Variants in ZNF611 observed in about 807,000 individuals in gnomAD.
ZNF611 encodes the protein zinc finger protein 611.
ZNF611 carries 6 observed loss-of-function variants against 8.9 expected under a neutral mutation model. The ratio of observed to expected loss-of-function variants is 0.68; its 90% CI spans 0.37 to 1.34. The LOEUF (loss-of-function observed/expected upper bound fraction) is 1.34. ZNF611 is among the 40% of genes most tolerant of loss of function. ZNF611 has a pLI of 0.02. For missense variants in ZNF611, 874 were observed against 841.3 expected, an observed-to-expected ratio of 1.04 and a Z score of -0.48; for synonymous variants, 262 against 279.7, an observed-to-expected ratio of 0.94 and a Z score of 0.63.
chr19:52,729,523 A>T lies in ZNF611; in HGVS notation c.-122+383T>A, dbSNP rs151031465. Among the ~76,000 whole-genome samples the T allele has an allele frequency of 1.9e-3, 289 of 149,032 alleles. 3 individuals are homozygous for T. The highest frequency in any genetic ancestry group is 4.4e-3 in the Admixed American group (66 of 14,948). On this transcript the variant is annotated intron_variant, in intron 2 of 5. Transcript: ENST00000652185. ...AAAAAAAAAAAAAAAAAAAAAGAAAAGAAAGAAAAAGAAAACAATGTTAAT... is the reference window on the plus strand; with the variant it reads ...AAAAAAAAAAAAAAAAAAAAAGAAATGAAAGAAAAAGAAAACAATGTTAAT...
chr19:52,714,405 G>C (rs1373843755), intron 4 of ZNF611, among the ~76,000 whole-genome samples: 2 of 151,974 alleles, frequency 1.3e-5, no homozygotes, highest in Non-Finnish European at 2.9e-5. Context: ...AGGAAAAACA[G>C]GGCCAGGCAT....
Position 52,706,465 on chromosome 19 carries a change from G to C in ZNF611, c.590C>G (p.Ser197Cys). 6.2e-7 allele frequency: 1 copy of C among 1,614,160 alleles called. No individual in the cohort carries two copies. Among genetic ancestry groups the C allele is most frequent in the Non-Finnish European group, 8.5e-7 (1 of 1,180,040 alleles). Residue 197 changes from serine (S) to cysteine (C), a missense_variant, in exon 6 of 6, where the codon TCC becomes TGC. Transcript: ENST00000652185. ...AGAAATCTGGGTTTGGGGCCTACAG[G>C]AAATTCTTTGGAATGTTGAAACTGA... ...APSVSTFQRISCRPQTQISNN... is the reference protein window; with the variant it reads ...APSVSTFQRICCRPQTQISNN...
At chr19:52,708,206 C>T (rs770565737) in intron 5 of ZNF611, 2 of 152,068 alleles carry the variant, frequency 1.3e-5, no homozygotes, top group African/African-American at 2.4e-5. Context: ...AGAAAATACA[C>T]AGCATTAGGC....
chr19:52,717,640 A>C, intron 3 of ZNF611: 1 of 971,726 alleles, frequency 1.0e-6, no homozygotes, highest in Non-Finnish European at 1.2e-6. Context: ...TCATGAACAC[A>C]TGGGCTCTGC....
At chr19:52,725,590 G>A (rs2147443434) in intron 3 of ZNF611, among the ~76,000 whole-genome samples, 1 of 152,208 alleles carries the variant, frequency 6.6e-6, no homozygotes, top group East Asian at 1.9e-4. Context: ...GACTCTTATG[G>A]GCGTCTCAAT....
chr19:52,706,140 A>G lies in ZNF611; in HGVS notation c.915T>C (p.His305=), dbSNP rs1287361522. The change falls in exon 6 of 6, where the codon CAT becomes CAC. Residue 305 remains histidine, a synonymous_variant. Coordinates refer to ENST00000652185, the MANE Select transcript of ZNF611 (RefSeq NM_001161499.2). ...TFSQESSLTC[H]RRLHTGVKRY... ...GTTTTACTCCAGTATGAAGTCTACGATGGCAGGTAAGGGATGACTCCTGAC... is the reference window on the plus strand; with the variant it reads ...GTTTTACTCCAGTATGAAGTCTACGGTGGCAGGTAAGGGATGACTCCTGAC... 1 of 1,614,080 alleles carries G rather than the reference A, an allele frequency of 6.2e-7. No individual in the cohort carries two copies. The highest frequency in any genetic ancestry group is 2.2e-5 in the East Asian group (1 of 44,874).
intron 2 of ZNF611, among the ~76,000 whole-genome samples, chr19:52,729,141 A>T (rs1380787520): frequency 1.3e-5 from 2 of 152,204 alleles, no homozygotes; most frequent in African/African-American, 2.4e-5. Flanking sequence ...TGCAAAAAAC[A>T]TATCACTGTC....
rs368538537 is a variant in ZNF611, at chr19:52,706,136, T to A, written c.919A>T (p.Arg307Ter). 1.1e-5 allele frequency: 17 copies of A among 1,614,010 alleles called. No individual in the cohort carries two copies. In the African/African-American group the frequency reaches 2.1e-4, roughly 20 times the overall value. Residue 307 changes from arginine (R) to a stop codon, truncating the protein, a stop_gained, in exon 6 of 6, where the codon AGA becomes TGA. Coordinates refer to ENST00000652185, the MANE Select transcript of ZNF611 (RefSeq NM_001161499.2). LOFTEE classifies it low-confidence loss of function (END_TRUNC). ...SQESSLTCHR[R>*]LHTGVKRYNC... ...TAACGTTTTACTCCAGTATGAAGTC[T>A]ACGATGGCAGGTAAGGGATGACTCC...
intron 3 of ZNF611, chr19:52,720,876 TTCC>T (rs2062354071): frequency 1.2e-5 from 1 of 83,326 alleles, no homozygotes; most frequent in Non-Finnish European, 2.3e-5. Context: ...GGCAGAGGCG[TTCC>T]TCACCTCCCA....
At chr19:52,730,391 CAAAAAAAAAAAAA>C (rs1159350274) in intron 1 of ZNF611, among the ~76,000 whole-genome samples, 9 of 73,532 alleles carry the variant, frequency 1.2e-4, no homozygotes, top group East Asian at 5.7e-4. Flanking sequence ...GACTCCGTCT[CAAAAAAAAAAAAA>C]AAAAAAAAAA....
Position 52,730,430 on chromosome 19 carries a change from T to C in ZNF611, c.-221-425A>G, listed in dbSNP as rs944670241. ...AAAAAAAAAAAAAAAAAAAACATGA[T>C]GTAGGCTCCTTGGTCTGAAAGATTA... is the stretch of plus-strand genomic sequence containing the variant. On this transcript the variant is annotated intron_variant, in intron 1 of 5. Coordinates refer to ENST00000652185, the MANE Select transcript of ZNF611 (RefSeq NM_001161499.2). Among the ~76,000 whole-genome samples the C allele has an allele frequency of 4.2e-5, 6 of 142,160 alleles. 1 individual carries two copies. The highest frequency in any genetic ancestry group is 3.6e-4 in the Admixed American group (5 of 13,896). 93.3% of individuals were successfully genotyped at this position (142,160 alleles called of 152,430 possible).
At chr19:52,727,254 CGAT>C (rs1489827774) in intron 3 of ZNF611, among the ~76,000 whole-genome samples, 3 of 151,562 alleles carry the variant, frequency 2.0e-5, no homozygotes, top group African/African-American at 7.3e-5. Context: ...ATCATCTCCA[CGAT>C]GATAATAGAG....
At chr19:52,734,364 C>T (rs1386772709) in intron 1 of ZNF611, among the ~76,000 whole-genome samples, 2 of 152,120 alleles carry the variant, frequency 1.3e-5, no homozygotes, top group Non-Finnish European at 2.9e-5. Flanking sequence ...GAGTAAGACG[C>T]CTGCATCCCG....
At chr19:52,728,007 TC>T (rs1433967834) in intron 3 of ZNF611, among the ~76,000 whole-genome samples, 2 of 151,138 alleles carry the variant, frequency 1.3e-5, no homozygotes, top group African/African-American at 2.4e-5. Context: ...CCTCCCAGGT[TC>T]AAGCAATTCT....
Position 52,715,915 on chromosome 19 carries a change from T to C in ZNF611, c.-19-2A>G. 6.2e-7 allele frequency: 1 copy of C among 1,611,250 alleles called. No individual in the cohort carries two copies. Among genetic ancestry groups the C allele is most frequent in the Non-Finnish European group, 8.5e-7 (1 of 1,179,186 alleles). ...AACATGAGTCTTTAGGAATCAATCC[T>C]GTATGTGAAAAAAAATGAGACTTCA... is the stretch of plus-strand genomic sequence containing the variant. On this transcript the variant is annotated splice_acceptor_variant, in intron 3 of 5. Transcript: ENST00000652185. LOFTEE classifies it low-confidence loss of function (5UTR_SPLICE).
intron 3 of ZNF611, among the ~76,000 whole-genome samples, chr19:52,725,888 G>C (rs1045957959): frequency 5.3e-5 from 8 of 152,156 alleles, no homozygotes; most frequent in African/African-American, 1.7e-4. Context: ...AAAGGGCGGG[G>C]CCGGGACCGG....
At chr19:52,723,839 G>A (rs967325776) in intron 3 of ZNF611, 2 of 152,200 alleles carry the variant, frequency 1.3e-5, no homozygotes, top group Admixed American at 1.3e-4. Flanking sequence ...AGCTCTCTGT[G>A]TCATAAATAA....
chr19:52,714,198 A>G (rs2062299706), intron 4 of ZNF611, 57 bp from the exon 5 acceptor site: 2 of 1,585,358 alleles, frequency 1.3e-6, no homozygotes, highest in Non-Finnish European at 1.7e-6. Context: ...TATCACCTTC[A>G]CAGAAAATGA....
chr19:52,707,841 G>A (rs1290790035), intron 5 of ZNF611, among the ~76,000 whole-genome samples: 1 of 151,822 alleles, frequency 6.6e-6, no homozygotes, highest in African/African-American at 2.4e-5. Context: ...ATATTGGCCA[G>A]GCTGGTCTCA....
Sources: gnomAD v4.1 joint callset for allele counts (sites outside exome capture counted in the v4.1 genomes callset) on GRCh38, gnomAD v4.1.1 for gene constraint, MANE v1.5 for transcripts, NCBI Gene and HGNC (gene_info 2026-07-23, HGNC 2026-07-21) for gene names.